The following CAMSAP1 variants were observed in gnomAD, a reference collection of about 807,000 sequenced individuals.
CAMSAP1 encodes the protein calmodulin-regulated spectrin-associated protein 1.
In CAMSAP1, 58 loss-of-function variants were observed where a neutral mutation model predicts 143.5. The observed-to-expected ratio is 0.40, with a 90% CI of 0.33 to 0.50. CAMSAP1 has a LOEUF of 0.50. Among genes scored for constraint, CAMSAP1 ranks in the 20% least tolerant of loss-of-function variants. The pLI is 0.45. For missense variants in CAMSAP1, 1,969 were observed against 2,115.7 expected, an observed-to-expected ratio of 0.93 and a Z score of 1.36; for synonymous variants, 945 against 859.3, an observed-to-expected ratio of 1.10 and a Z score of -1.74.
intron 5 of CAMSAP1, 89 bp downstream of exon 5, chr9:135,862,373 CTTTTT>C: frequency 3.7e-6 from 4 of 1,073,104 alleles, no homozygotes; most frequent in East Asian, 6.0e-5. Flanking sequence ...TTTTCTTTCT[CTTTTT>C]TTTTTTTAAT....
At chr9:135,866,947 C>T (rs1192474404) in intron 3 of CAMSAP1, among the ~76,000 whole-genome samples, 2 of 152,228 alleles carry the variant, frequency 1.3e-5, no homozygotes, top group Non-Finnish European at 2.9e-5. Context: ...ATGGGTCACA[C>T]ATCCCAGACC....
chr9:135,905,909 G>A (rs764452457), intron 1 of CAMSAP1, among the ~76,000 whole-genome samples: 1 of 152,238 alleles, frequency 6.6e-6, no homozygotes, highest in African/African-American at 2.4e-5. Flanking sequence ...AGTCTTGGAT[G>A]TAGCAGTGTT....
chr9:135,875,197 G>C (rs749101320), intron 3 of CAMSAP1, among the ~76,000 whole-genome samples: 9 of 144,330 alleles, frequency 6.2e-5, no homozygotes, highest in Non-Finnish European at 1.2e-4. Context: ...AAAGGACCTA[G>C]AATAGTGAAA....
At position 135,815,113 on chromosome 9, in the gene CAMSAP1, T is replaced by C. The variant is rs1353082376; in HGVS notation, c.4490A>G (p.Lys1497Arg). ...GATACTTGCCTCCAATATGGAATTCTTGTGGGGTTCGTTCACTTTTCCAGC... is the reference window on the plus strand; with the variant it reads ...GATACTTGCCTCCAATATGGAATTCCTGTGGGGTTCGTTCACTTTTCCAGC... ...CLAGKVNEPH[K>R]NSILEELEKC... Residue 1497 changes from lysine (K) to arginine (R), a missense_variant, in exon 16 of 17, where the codon AAG becomes AGG. Around this residue, in one of 4 missense-constraint regions of CAMSAP1, gnomAD observed 143 missense variants for 200.6 expected, o/e 0.71. Coordinates refer to ENST00000389532, the MANE Select transcript of CAMSAP1 (RefSeq NM_015447.4). 1 of 1,612,476 alleles carries C rather than the reference T, an allele frequency of 6.2e-7. No homozygotes were observed. The highest frequency in any genetic ancestry group is 1.7e-5 in the Admixed American group (1 of 59,976).
chr9:135,838,753 CAG>C (rs1836227289), intron 7 of CAMSAP1, among the ~76,000 whole-genome samples: 1 of 151,516 alleles, frequency 6.6e-6, no homozygotes, highest in African/African-American at 2.4e-5. Flanking sequence ...ACCTGTTCTA[CAG>C]ACACACGTCA....
intron 7 of CAMSAP1, chr9:135,836,777 T>C: frequency 1.0e-6 from 1 of 981,976 alleles, no homozygotes; most frequent in Non-Finnish European, 1.2e-6. Flanking sequence ...TACCCTGTTC[T>C]ACAGACACAC....
intron 3 of CAMSAP1, among the ~76,000 whole-genome samples, chr9:135,867,946 C>T (rs1375831287): frequency 6.6e-6 from 1 of 152,152 alleles, no homozygotes; most frequent in Non-Finnish European, 1.5e-5. Context: ...GACAAGACAA[C>T]GGTTGAAAGT....
At chr9:135,849,614 T>TC (rs1461085703) in intron 7 of CAMSAP1, among the ~76,000 whole-genome samples, 1 of 152,176 alleles carries the variant, frequency 6.6e-6, no homozygotes, top group African/African-American at 2.4e-5. Context: ...AAGTACCTTT[T>TC]CCCCCTCTAT....
At chr9:135,885,639 C>G (rs556243709) in intron 1 of CAMSAP1, among the ~76,000 whole-genome samples, 1 of 152,288 alleles carries the variant, frequency 6.6e-6, no homozygotes, top group Non-Finnish European at 1.5e-5. Flanking sequence ...TACAATCTAC[C>G]AAGTAGAAAC....
At position 135,821,670 on chromosome 9, in the gene CAMSAP1, C is replaced by T. The variant is rs781492246; in HGVS notation, c.2991G>A (p.Glu997=). 3 of 1,613,930 alleles carry T rather than the reference C, an allele frequency of 1.9e-6. No individual in the cohort carries two copies. In the African/African-American group the frequency reaches 4.0e-5, roughly 22 times the overall value. The change falls in exon 11 of 17, where the codon GAG becomes GAA. Residue 997 remains glutamate, a synonymous_variant. Transcript: ENST00000389532. The surrounding 1 kb of genome is among the most constrained non-coding windows in gnomAD (Gnocchi z 4.6). The stretch of plus-strand genomic sequence containing the variant: ...GGGCAGCGGAGATCACCTTATTTCT[C>T]TCCAGCTCGTGCAGAGCCACAGGGT... ...AKDPVALHEL[E]RNKVISAALL... is the part of the protein sequence containing the mutation.
At position 135,882,946 on chromosome 9, in the gene CAMSAP1, C is replaced by T; in HGVS notation, c.293G>A (p.Gly98Glu). The change falls in exon 2 of 17, where the codon GGG becomes GAG. Residue 98 changes from glycine (G) to glutamate (E), a missense_variant. By Grantham distance (98) the Gly-to-Glu change is moderately conservative. Transcript: ENST00000389532. This position sits in a 1 kb window ranked among gnomAD's most constrained non-coding sequence, Gnocchi z 4.9. ...YCRVCSLILK[G>E]DQVAALQGHQ... ...TCCCTGTAAGGCGGCCACCTGGTCC[C>T]CTTTCAGGATGAGGCTGCAGACACG... 1 of 1,551,758 alleles carries T rather than the reference C, an allele frequency of 6.4e-7. No individual in the cohort carries two copies. The highest frequency in any genetic ancestry group is 2.4e-5 in the East Asian group (1 of 40,930).
rs1158519644 is a variant in CAMSAP1, at chr9:135,823,978, C to T, written c.1372G>A (p.Ala458Thr). 4 of 1,588,374 alleles carry T rather than the reference C, an allele frequency of 2.5e-6. No homozygotes were observed. In the East Asian group the frequency reaches 9.1e-5, roughly 36 times the overall value. ...TRVDGQPRGA[A>T]IAWPEKKTRP... is the part of the protein sequence containing the mutation. ...GTTTTTTTTTCTGGCCAGGCTATTG[C>T]TGCTCCTCGAGGCTGACCATCAACT... is the stretch of plus-strand genomic sequence containing the variant. The change falls in exon 10 of 17, where the codon GCA becomes ACA. Residue 458 changes from alanine (A) to threonine (T), a missense_variant. Ala to Thr is a moderately conservative substitution (Grantham distance 58). Coordinates refer to ENST00000389532, the MANE Select transcript of CAMSAP1 (RefSeq NM_015447.4).
At position 135,821,799 on chromosome 9, in the gene CAMSAP1, G is replaced by A. The variant is rs759460618; in HGVS notation, c.2862C>T (p.Thr954=). 2.2e-5 allele frequency: 35 copies of A among 1,613,836 alleles called. No individual in the cohort carries two copies. The East Asian group carries it at 3.3e-4, about 15-fold the overall frequency. The part of the protein sequence containing the change: ...GEDCGDAVSK[T]EDFLVKEEQR... ...GCTCCTCCTTCACGAGAAAGTCTTC[G>A]GTTTTGGAAACAGCGTCCCCACAGT... is the stretch of plus-strand genomic sequence containing the variant. Residue 954 remains threonine, a synonymous_variant, in exon 11 of 17, where the codon ACC becomes ACT. Transcript: ENST00000389532. This position sits in a 1 kb window ranked among gnomAD's most constrained non-coding sequence, Gnocchi z 4.6.
At chr9:135,898,102 A>G (rs935609365) in intron 1 of CAMSAP1, among the ~76,000 whole-genome samples, 1 of 152,212 alleles carries the variant, frequency 6.6e-6, no homozygotes, top group African/African-American at 2.4e-5. Flanking sequence ...TTCCTAGCTC[A>G]AGAAACTAGA....
At position 135,821,746 on chromosome 9, in the gene CAMSAP1, T is replaced by C. The variant is rs1381692246; in HGVS notation, c.2915A>G (p.Gln972Arg). 14 of 1,613,818 alleles carry C rather than the reference T, an allele frequency of 8.7e-6. No individual in the cohort carries two copies. Among genetic ancestry groups the C allele is most frequent in the Non-Finnish European group, 1.1e-5 (13 of 1,179,888 alleles). ...EQREELLHEP[Q>R]DVDKESLAFA... ...GGCCAGGCTCTCTTTGTCCACATCCTGTGGCTCGTGAAGGAGCTCCTCTCT... is the reference window on the plus strand; with the variant it reads ...GGCCAGGCTCTCTTTGTCCACATCCCGTGGCTCGTGAAGGAGCTCCTCTCT... The change falls in exon 11 of 17, where the codon CAG becomes CGG. Residue 972 changes from glutamine to arginine, a missense_variant. Gln to Arg is a conservative substitution (Grantham distance 43, BLOSUM62 1). This residue lies in a region of CAMSAP1 where 1,390 missense variants were observed against 1,420.8 expected (regional missense o/e 0.98). Coordinates refer to ENST00000389532, the MANE Select transcript of CAMSAP1 (RefSeq NM_015447.4). This position sits in a 1 kb window ranked among gnomAD's most constrained non-coding sequence, Gnocchi z 4.6.
chr9:135,891,350 T>C (rs143974582), intron 1 of CAMSAP1, among the ~76,000 whole-genome samples: 298 of 152,246 alleles, frequency 2.0e-3, no homozygotes, highest in Middle Eastern at 0.014. Context: ...AGCCAGAAAG[T>C]GTGTAAGGAA....
chr9:135,879,471 C>T (rs1837864241), intron 3 of CAMSAP1, among the ~76,000 whole-genome samples: 1 of 152,108 alleles, frequency 6.6e-6, no homozygotes. Context: ...GGGACAGATG[C>T]TCTTACCCAG....
chr9:135,901,193 C>T (rs1838606930), intron 1 of CAMSAP1, among the ~76,000 whole-genome samples: 1 of 152,194 alleles, frequency 6.6e-6, no homozygotes, highest in Admixed American at 6.5e-5. Flanking sequence ...TGTAACTCAC[C>T]CTTAGCCACC....
Position 135,906,994 on chromosome 9 carries a change from G to A in CAMSAP1, c.160+6C>T. 1.8e-6 allele frequency: 2 copies of A among 1,091,402 alleles called. No individual in the cohort carries two copies. The highest frequency in any genetic ancestry group is 5.2e-5 in the Admixed American group (1 of 19,144). 67.6% of individuals were successfully genotyped at this position (1,091,402 alleles called of 1,614,324 possible). A position where few individuals can be genotyped will look rare whatever the true frequency, so the allele number is the denominator to read the frequency against. ...GCCCCCGCCCCGCGCCCCTCACCCG[G>A]CCCACCTCGGCCGTAGGCCTTGGCG... is the stretch of plus-strand genomic sequence containing the variant. On this transcript the variant is annotated splice_donor_region_variant and intron_variant, in intron 1 of 16. Transcript: ENST00000389532.
Sources: gnomAD v4.1 joint callset for allele counts (sites outside exome capture counted in the v4.1 genomes callset) on GRCh38, gnomAD v4.1.1 for gene constraint, gnomAD v4.1.1 regional missense constraint, Gnocchi (gnomAD v3.1) non-coding constraint, MANE v1.5 for transcripts, NCBI Gene and HGNC (gene_info 2026-07-23, HGNC 2026-07-21) for gene names.